Variants in OTOP3 observed in about 807,000 individuals in gnomAD.
The protein encoded by OTOP3 is otopetrin 3, also known as proton channel OTOP3.
Under a neutral mutation model 50.8 loss-of-function variants are expected in OTOP3, and 41 were observed. That is an observed-to-expected ratio of 0.81 (90% confidence interval 0.63 to 1.05). The LOEUF is 1.05. OTOP3 is among the 50% of genes least tolerant of loss of function. OTOP3 has a pLI of 0.00. For missense variants in OTOP3, 788 were observed against 760.8 expected, an observed-to-expected ratio of 1.04 and a Z score of -0.42; for synonymous variants, 320 against 324.4, an observed-to-expected ratio of 0.99 and a Z score of 0.14.
At chr17:74,948,152 G>T (rs897426566) in intron 6 of OTOP3, among the ~76,000 whole-genome samples, 2 of 152,178 alleles carry the variant, frequency 1.3e-5, no homozygotes, top group African/African-American at 4.8e-5. Flanking sequence ...GCCAAGGAAG[G>T]CTTCATGAAG....
At position 74,941,474 on chromosome 17, in the gene OTOP3, T is replaced by TG. The variant is rs746491220; in HGVS notation, c.106dup (p.Ala36GlyfsTer67). On this transcript the variant is annotated frameshift_variant, in exon 2 of 7. Coordinates refer to ENST00000328801, the MANE Select transcript of OTOP3 (RefSeq NM_001272005.2). LOFTEE classifies it high-confidence loss of function. ...CCGGAGAAGGAGAACCGAGTGGATGTGGGGGCCGAGGAGAGAGCGGCCGCC... is the reference window on the plus strand; with the variant it reads ...CCGGAGAAGGAGAACCGAGTGGATGTGGGGGGCCGAGGAGAGAGCGGCCGCC... 1 of 1,608,382 alleles carries TG rather than the reference T, an allele frequency of 6.2e-7. No homozygotes were observed. The highest frequency in any genetic ancestry group is 8.5e-7 in the Non-Finnish European group (1 of 1,176,976).
At chr17:74,944,796 G>A (rs2039210210) in intron 5 of OTOP3, among the ~76,000 whole-genome samples, 1 of 152,126 alleles carries the variant, frequency 6.6e-6, no homozygotes, top group South Asian at 2.1e-4. Flanking sequence ...CAAATGAGTA[G>A]AAGAACAAGA....
rs2039257935 is a variant in OTOP3, at chr17:74,949,145, T to C, written c.1567-101T>C. The C allele has an allele frequency of 1.0e-5, 12 of 1,184,350 alleles. 1 individual carries two copies. The South Asian group carries it at 1.7e-4, about 16-fold the overall frequency. The allele number at this position is 1,184,350 out of a possible 1,614,324, so 73.4% of individuals were successfully genotyped here. A position where few individuals can be genotyped will look rare whatever the true frequency, so the allele number is the denominator to read the frequency against. The stretch of plus-strand genomic sequence containing the variant: ...AAGAAGACTGAGCGGGAGGTGGGGG[T>C]GGCACTGGAGGGGCTGCAGGTTTGG... On this transcript the variant is annotated intron_variant, in intron 6 of 6. Transcript: ENST00000328801.
rs780829466 is a variant in OTOP3 at position 74,947,444 on chromosome 17, T to C, written c.1535T>C (p.Ile512Thr). The C allele has an allele frequency of 6.2e-7, 1 of 1,609,574 alleles. No homozygotes were observed. Among genetic ancestry groups the C allele is most frequent in the Non-Finnish European group, 8.5e-7 (1 of 1,177,810 alleles). ...LNWKRRALKE[I>T]SLFLILCNIT... ...TGGAAGCGGAGGGCACTCAAGGAGA[T>C]CTCACTCTTCCTCATCCTCTGCAAT... The change falls in exon 6 of 7, where the codon ATC (isoleucine) becomes ACC (threonine). Residue 512 changes from isoleucine to threonine, a missense_variant. Coordinates refer to ENST00000328801, the MANE Select transcript of OTOP3 (RefSeq NM_001272005.2).
chr17:74,947,458 A>C lies in OTOP3; in HGVS notation c.1549A>C (p.Ile517Leu). 1 of 1,602,862 alleles carries C rather than the reference A, an allele frequency of 6.2e-7. No individual in the cohort carries two copies. The highest frequency in any genetic ancestry group is 8.5e-7 in the Non-Finnish European group (1 of 1,173,558). The change falls in exon 6 of 7, where the codon ATC (isoleucine) becomes CTC (leucine). Residue 517 changes from isoleucine (I) to leucine (L), a missense_variant. Physicochemically the swap from Ile to Leu is conservative, Grantham distance 5. Coordinates refer to ENST00000328801, the MANE Select transcript of OTOP3 (RefSeq NM_001272005.2). ...RALKEISLFLILCNITLWMMP... is the reference protein window; with the variant it reads ...RALKEISLFLLLCNITLWMMP... ...ACTCAAGGAGATCTCACTCTTCCTCATCCTCTGCAATATCACAGTAAGTGG... is the reference window on the plus strand; with the variant it reads ...ACTCAAGGAGATCTCACTCTTCCTCCTCCTCTGCAATATCACAGTAAGTGG...
chr17:74,944,537 A>G (rs904457987), intron 5 of OTOP3, among the ~76,000 whole-genome samples: 2 of 152,198 alleles, frequency 1.3e-5, no homozygotes, highest in South Asian at 4.1e-4. Flanking sequence ...CAGGCAGATC[A>G]CCTGAGGTCA....
intron 5 of OTOP3, among the ~76,000 whole-genome samples, 185 bp from the exon 6 acceptor site, chr17:74,946,476 G>A (rs773304980): frequency 2.0e-5 from 3 of 152,242 alleles, no homozygotes; most frequent in African/African-American, 7.2e-5. Flanking sequence ...CTTTGAAAAA[G>A]AATGACCATT....
intron 5 of OTOP3, among the ~76,000 whole-genome samples, chr17:74,945,371 T>C (rs2039215726): frequency 6.6e-6 from 1 of 152,222 alleles, no homozygotes; most frequent in African/African-American, 2.4e-5. Flanking sequence ...ATATCCCACT[T>C]TCTCCAGTTA....
chr17:74,942,349 G>C (rs566876338), intron 3 of OTOP3, among the ~76,000 whole-genome samples: 4 of 152,308 alleles, frequency 2.6e-5, no homozygotes, highest in South Asian at 2.1e-4. Flanking sequence ...ATACAATCTC[G>C]GCAGGGCGCA....
Position 74,946,661 on chromosome 17 carries a change from G to T in OTOP3, c.752G>T (p.Gly251Val). 1 of 1,599,228 alleles carries T rather than the reference G, an allele frequency of 6.3e-7. No homozygotes were observed. ...CCCTCCCACCCTGCCTCCCTCCCAGGCAATGAGACCAACACCTGTCTGTGC... is the reference window on the plus strand; with the variant it reads ...CCCTCCCACCCTGCCTCCCTCCCAGTCAATGAGACCAACACCTGTCTGTGC... ...ELGILMEKST[G>V]NETNTCLCLN... The change falls in exon 6 of 7, where the codon GGC becomes GTC. Residue 251 changes from glycine to valine, a missense_variant and splice_region_variant. Physicochemically the swap from Gly to Val is moderately radical, Grantham distance 109. Transcript: ENST00000328801.
chr17:74,948,185 G>A (rs914151704), intron 6 of OTOP3, among the ~76,000 whole-genome samples: 3 of 152,186 alleles, frequency 2.0e-5, no homozygotes, highest in Non-Finnish European at 4.4e-5. Flanking sequence ...CCTTGAGGAA[G>A]GGGTAGAATT....
chr17:74,939,675 C>T (rs1178072894), intron 1 of OTOP3, among the ~76,000 whole-genome samples: 10 of 152,082 alleles, frequency 6.6e-5, no homozygotes, highest in Admixed American at 2.0e-4. Context: ...AGGAGACATT[C>T]AGGAAAAGAG....
chr17:74,948,348 A>G (rs771437327), intron 6 of OTOP3, among the ~76,000 whole-genome samples: 14 of 151,952 alleles, frequency 9.2e-5, no homozygotes, highest in Non-Finnish European at 1.9e-4. Flanking sequence ...ACACAGGGAG[A>G]CCCTGTCTCT....
In OTOP3 at chr17:74,943,984, T is replaced by C. The variant is rs146743806; in HGVS notation, c.751+260T>C. Among the ~76,000 whole-genome samples, 522 of 152,260 alleles carry C rather than the reference T, an allele frequency of 3.4e-3. 2 individuals are homozygous for C. The highest frequency in any genetic ancestry group is 5.3e-3 in the Non-Finnish European group (362 of 68,006). ...TAGCCATCAGCAAGCCAGCCACTGA[T>C]CCTGGCTGAGAGAGCCACTAAGTCC... On this transcript the variant is annotated intron_variant, in intron 5 of 6. Transcript: ENST00000328801.
intron 6 of OTOP3, among the ~76,000 whole-genome samples, chr17:74,948,769 T>C (rs1482762428): frequency 6.6e-6 from 1 of 151,054 alleles, no homozygotes; most frequent in Non-Finnish European, 1.5e-5. Flanking sequence ...GCCCGGGAGG[T>C]TGAGGCTGCA....
rs559906265 is a variant in OTOP3 at position 74,946,649 on chromosome 17, C to G, written c.752-12C>G. The G allele has an allele frequency of 2.5e-6, 4 of 1,592,336 alleles. No homozygotes were observed. The African/African-American group carries it at 5.3e-5, about 21-fold the overall frequency. On this transcript the variant is annotated splice_polypyrimidine_tract_variant and intron_variant, in intron 5 of 6. Coordinates refer to ENST00000328801, the MANE Select transcript of OTOP3 (RefSeq NM_001272005.2). ...CTGAATGTCTGTCCCTCCCACCCTG[C>G]CTCCCTCCCAGGCAATGAGACCAAC...
intron 5 of OTOP3, among the ~76,000 whole-genome samples, chr17:74,945,342 C>T (rs2039215463): frequency 6.6e-6 from 1 of 152,216 alleles, no homozygotes; most frequent in Non-Finnish European, 1.5e-5. Flanking sequence ...TAGCTTCATT[C>T]TGTCCTCTAA....
chr17:74,938,133 T>C (rs986250854), intron 1 of OTOP3, among the ~76,000 whole-genome samples: 3 of 152,092 alleles, frequency 2.0e-5, no homozygotes, highest in African/African-American at 7.2e-5. Context: ...AAATCATTTA[T>C]AGAATCTTGA....
chr17:74,935,821 C>T (rs1006416950), upstream of OTOP3: 3 of 1,515,406 alleles, frequency 2.0e-6, no homozygotes, highest in Admixed American at 2.1e-5. Flanking sequence ...GGAGCCCGAG[C>T]GGCGGCTGCG....
Sources: allele counts gnomAD v4.1 joint callset (sites outside exome capture counted in the v4.1 genomes callset), GRCh38; gene constraint gnomAD v4.1.1; transcripts MANE v1.5; gene names NCBI Gene and HGNC (gene_info 2026-07-23, HGNC 2026-07-21).